The following TMEM131L variants were observed in gnomAD, a reference collection of about 807,000 sequenced individuals.
TMEM131L encodes transmembrane 131 like.
Under a neutral mutation model 192.2 loss-of-function variants are expected in TMEM131L, and 54 were observed. That is an observed-to-expected ratio of 0.28 (90% CI 0.23 to 0.35). The LOEUF (loss-of-function observed/expected upper bound fraction) is 0.35. TMEM131L is among the 10% of genes least tolerant of loss of function. The pLI is 1.00. For synonymous variants in TMEM131L, 701 were observed against 704.9 expected, an observed-to-expected ratio of 0.99 and a Z score of 0.09; for missense variants, 1,888 against 1,972.9, an observed-to-expected ratio of 0.96 and a Z score of 0.82.
At chr4:153,489,941 A>G (rs1484431796) in intron 3 of TMEM131L, among the ~76,000 whole-genome samples, 1 of 152,004 alleles carries the variant, frequency 6.6e-6, no homozygotes, top group African/African-American at 2.4e-5. Flanking sequence ...GTATGTGAGT[A>G]TCTTAAACTT....
chr4:153,555,390 T>A lies in TMEM131L; in HGVS notation c.309-397T>A, dbSNP rs1264722443. On this transcript the variant is annotated intron_variant, in intron 4 of 34. Transcript: ENST00000409959. The surrounding 1 kb of genome is among the most constrained non-coding windows in gnomAD (Gnocchi z 4.1). ...GAATGAATATTTCAGTGAATTTTCATTCATACTTTCATTGAATTATTCAAC... is the reference window on the plus strand; with the variant it reads ...GAATGAATATTTCAGTGAATTTTCAATCATACTTTCATTGAATTATTCAAC... Among the ~76,000 whole-genome samples, 6 of 152,228 alleles carry A rather than the reference T, an allele frequency of 3.9e-5. No homozygotes were observed. Among genetic ancestry groups the A allele is most frequent in the Non-Finnish European group, 8.8e-5 (6 of 68,038 alleles).
At chr4:153,492,975 A>G (rs763139060) in intron 3 of TMEM131L, among the ~76,000 whole-genome samples, 20 of 152,156 alleles carry the variant, frequency 1.3e-4, no homozygotes, top group Non-Finnish European at 2.6e-4. Flanking sequence ...GGTGAGATAC[A>G]GGTGGATGTG....
At chr4:153,605,599 C>T (rs79233938) in intron 25 of TMEM131L, among the ~76,000 whole-genome samples, 5,760 of 152,276 alleles carry the variant, frequency 0.038, 262 homozygotes, top group African/African-American at 0.11. Context: ...GAGCAATCTG[C>T]CTGCCTTGGC....
At chr4:153,588,527 C>T (rs1265451040) in intron 15 of TMEM131L, among the ~76,000 whole-genome samples, 1 of 150,766 alleles carries the variant, frequency 6.6e-6, no homozygotes, top group Non-Finnish European at 1.5e-5. Flanking sequence ...TAGATAGTGA[C>T]CTGGAAGACT....
chr4:153,492,277 G>C (rs989515254), intron 3 of TMEM131L, among the ~76,000 whole-genome samples: 2 of 152,136 alleles, frequency 1.3e-5, no homozygotes, highest in South Asian at 4.1e-4. Context: ...GCCTCCCACA[G>C]TCCTGGGATT....
chr4:153,498,619 G>A (rs1450634830), intron 3 of TMEM131L, among the ~76,000 whole-genome samples: 1 of 152,164 alleles, frequency 6.6e-6, no homozygotes, highest in Non-Finnish European at 1.5e-5. Context: ...AGATGCAAAT[G>A]TTTTTCCCCT....
chr4:153,608,592 C>T (rs1369282668), intron 25 of TMEM131L, among the ~76,000 whole-genome samples: 1 of 152,188 alleles, frequency 6.6e-6, no homozygotes, highest in Admixed American at 6.5e-5. Flanking sequence ...GATAATAGCT[C>T]AAGCCTTGAG....
intron 3 of TMEM131L, among the ~76,000 whole-genome samples, chr4:153,474,427 G>A (rs1322385834): frequency 3.3e-5 from 5 of 152,230 alleles, no homozygotes; most frequent in Admixed American, 2.6e-4. Flanking sequence ...AGAGGGAATG[G>A]AGGTGCAAAG....
chr4:153,505,030 A>T (rs758083379), intron 3 of TMEM131L, among the ~76,000 whole-genome samples: 4 of 151,780 alleles, frequency 2.6e-5, no homozygotes, highest in Admixed American at 2.0e-4. Context: ...CCTTTAGATG[A>T]CTATCTTCTC....
intron 7 of TMEM131L, among the ~76,000 whole-genome samples, chr4:153,569,850 C>A (rs757081699): frequency 2.0e-5 from 3 of 152,192 alleles, no homozygotes; most frequent in Non-Finnish European, 4.4e-5. Context: ...TGAATATAAA[C>A]CCTCTTCTAT....
At chr4:153,629,926 T>C (rs1045914242) in intron 31 of TMEM131L, among the ~76,000 whole-genome samples, 17 of 152,236 alleles carry the variant, frequency 1.1e-4, no homozygotes, top group Admixed American at 1.3e-4. Context: ...AGTCTTTCTT[T>C]GACCCAGACA....
chr4:153,487,127 C>G (rs1369145), intron 3 of TMEM131L, among the ~76,000 whole-genome samples: 1 of 152,012 alleles, frequency 6.6e-6, no homozygotes, highest in Non-Finnish European at 1.5e-5. Context: ...CTCTGATGCA[C>G]GCTCAAGTTT....
intron 9 of TMEM131L, among the ~76,000 whole-genome samples, 167 bp from the exon 10 acceptor site, chr4:153,583,019 AAAAG>A (rs1440360333): frequency 2.0e-5 from 3 of 152,158 alleles, no homozygotes; most frequent in East Asian, 3.9e-4. Flanking sequence ...AAGAAAAAAA[AAAAG>A]AAAACACCTC....
At chr4:153,625,004 AGACATTGTT>A (rs1426223901) in intron 29 of TMEM131L, among the ~76,000 whole-genome samples, 1 of 152,180 alleles carries the variant, frequency 6.6e-6, no homozygotes, top group Non-Finnish European at 1.5e-5. Flanking sequence ...CAGCCTTTTT[AGACATTGTT>A]GTCTTAATGG....
In TMEM131L at chr4:153,555,905, T is replaced by A. The variant is rs767489929; in HGVS notation, c.427T>A (p.Cys143Ser). The A allele has an allele frequency of 6.4e-7, 1 of 1,551,360 alleles. No homozygotes were observed. The highest frequency in any genetic ancestry group is 2.4e-5 in the East Asian group (1 of 40,912). The change falls in exon 5 of 35, where the codon TGC becomes AGC. Residue 143 changes from cysteine to serine, a missense_variant. Coordinates refer to ENST00000409959, the MANE Select transcript of TMEM131L (RefSeq NM_001131007.2). This position sits in a 1 kb window ranked among gnomAD's most constrained non-coding sequence, Gnocchi z 4.1. ...ACATTTCCATGTACCGCCAGTTCCC[T>A]GCAGGGTGGGTGTTGATGGACTCCT... ...AGHFHVPPVP[C>S]RVIPAMGKTS...
intron 2 of TMEM131L, among the ~76,000 whole-genome samples, chr4:153,468,606 A>G (rs1055607537): frequency 2.0e-5 from 3 of 152,224 alleles, no homozygotes; most frequent in Non-Finnish European, 2.9e-5. Flanking sequence ...GAGTTGTTCA[A>G]CAGTGGCACT....
intron 25 of TMEM131L, among the ~76,000 whole-genome samples, chr4:153,611,407 C>T (rs1732604410): frequency 6.6e-6 from 1 of 152,188 alleles, no homozygotes; most frequent in Non-Finnish European, 1.5e-5. Context: ...TGACCAGAAT[C>T]CAAGTCTTTA....
intron 7 of TMEM131L, among the ~76,000 whole-genome samples, chr4:153,572,810 A>T (rs1729681184): frequency 6.6e-6 from 1 of 152,188 alleles, no homozygotes; most frequent in African/African-American, 2.4e-5. Flanking sequence ...ATCCATCTCC[A>T]GGACCCTTTC....
chr4:153,512,869 C>T (rs138193712), intron 3 of TMEM131L, among the ~76,000 whole-genome samples: 1,924 of 152,294 alleles, frequency 0.013, 38 homozygotes, highest in African/African-American at 0.044. Flanking sequence ...ACCTCAGCCT[C>T]CCAAAGTACT....
Sources: allele counts gnomAD v4.1 joint callset (sites outside exome capture counted in the v4.1 genomes callset), GRCh38; gene constraint gnomAD v4.1.1; non-coding constraint Gnocchi (gnomAD v3.1); transcripts MANE v1.5; gene names NCBI Gene and HGNC (gene_info 2026-07-23, HGNC 2026-07-21).